RAB40B: variants seen among roughly 807,000 people sequenced by gnomAD.
RAB40B encodes RAB40B, member RAS oncogene family, also known as ras-related protein Rab-40B.
A neutral mutation model predicts 24.0 loss-of-function variants in RAB40B; 21 were observed. That is an observed-to-expected ratio of 0.88 (90% CI 0.62 to 1.26). RAB40B has a LOEUF of 1.26. Ranked by LOEUF, RAB40B falls within the 50% of genes most tolerant of loss-of-function variation. The pLI is 0.00. For missense variants in RAB40B, 348 were observed against 390.5 expected (o/e 0.89, Z 0.92); for synonymous variants, 167 against 169.8 (o/e 0.98, Z 0.13).
chr17:82,670,933 C>A (rs2046324065), intron 1 of RAB40B, among the ~76,000 whole-genome samples: 1 of 152,024 alleles, frequency 6.6e-6, no homozygotes, highest in Admixed American at 6.5e-5. Flanking sequence ...CTGTCACGAT[C>A]CACGATGTTG....
intron 2 of RAB40B, chr17:82,662,129 A>G (rs2046182166): frequency 2.0e-6 from 2 of 985,452 alleles, no homozygotes; most frequent in Non-Finnish European, 2.4e-6. Flanking sequence ...TTTGTGTCAC[A>G]TGCACCTGTG....
intron 4 of RAB40B, 89 bp downstream of exon 4, chr17:82,659,491 A>G: frequency 1.5e-6 from 2 of 1,342,026 alleles, no homozygotes; most frequent in Non-Finnish European, 2.1e-6. Flanking sequence ...ATGGGTACCC[A>G]TGAGCCCTGG....
rs1342193124 is a variant in RAB40B, at chr17:82,674,499, T to C, written c.143-9943A>G. Among the ~76,000 whole-genome samples, 52 of 142,562 alleles carry C rather than the reference T, an allele frequency of 3.6e-4. No individual in the cohort carries two copies. The South Asian group carries it at 7.4e-3, about 20-fold the overall frequency. 93.5% of individuals were successfully genotyped at this position (142,562 alleles called of 152,430 possible). A position where few individuals can be genotyped will look rare whatever the true frequency, so the allele number is the denominator to read the frequency against. On this transcript the variant is annotated intron_variant, in intron 1 of 5. Coordinates refer to ENST00000571995, the MANE Select transcript of RAB40B (RefSeq NM_006822.3). ...ACAAAAAAAAAAAAAATTAGCCGGG[T>C]GTGGTGGCGGGCACCTGTAGTCCCA...
At chr17:82,658,846 T>C (rs1338000191) in intron 4 of RAB40B, 133 bp from the exon 5 acceptor site, 3 of 766,870 alleles carry the variant, frequency 3.9e-6, no homozygotes, top group Non-Finnish European at 6.3e-6. Context: ...TGGGACCTCG[T>C]TTGGAAAGAC....
rs2046458540 is a variant in RAB40B at position 82,682,708 on chromosome 17, C to T, written c.142+15747G>A. 3.3e-5 allele frequency among the ~76,000 whole-genome samples: 5 copies of T among 152,164 alleles called. No homozygotes were observed. In the South Asian group the frequency reaches 1.0e-3, roughly 32 times the overall value. ...AACAGAATTGAGTCTAGAAATAGGC[C>T]CACACAAAAATGGCCAATTGATGTT... On this transcript the variant is annotated intron_variant, in intron 1 of 5. Coordinates refer to ENST00000571995, the MANE Select transcript of RAB40B (RefSeq NM_006822.3).
intron 1 of RAB40B, among the ~76,000 whole-genome samples, chr17:82,676,003 T>C (rs547339343): frequency 1.3e-5 from 2 of 152,076 alleles, no homozygotes; most frequent in Admixed American, 6.5e-5. Context: ...CCCACAGGGC[T>C]GGTAAAGCAC....
chr17:82,660,456 G>A (rs997565246), intron 3 of RAB40B, among the ~76,000 whole-genome samples: 3 of 139,068 alleles, frequency 2.2e-5, no homozygotes, highest in African/African-American at 5.5e-5. Flanking sequence ...GCAGATGCAC[G>A]CATACACAGT....
intron 1 of RAB40B, among the ~76,000 whole-genome samples, chr17:82,698,154 G>T (rs111361249): frequency 6.6e-6 from 1 of 151,962 alleles, no homozygotes; most frequent in South Asian, 2.1e-4. Flanking sequence ...CGCGCAGACT[G>T]CGGAGAAGGA....
rs1484648336 is a variant in RAB40B, at chr17:82,671,630, G to A, written c.143-7074C>T. 6.5e-4 allele frequency among the ~76,000 whole-genome samples: 37 copies of A among 57,136 alleles called. No individual in the cohort carries two copies. In the East Asian group the frequency reaches 0.022, roughly 34 times the overall value. 37.5% of individuals were successfully genotyped at this position (57,136 alleles called of 152,430 possible). A position where few individuals can be genotyped will look rare whatever the true frequency, so the allele number is the denominator to read the frequency against. On this transcript the variant is annotated intron_variant, in intron 1 of 5. Coordinates refer to ENST00000571995, the MANE Select transcript of RAB40B (RefSeq NM_006822.3). ...TGTACCCACTGACACAGCTCACCCC[G>A]TAACTCTAACACACACACTCACACC...
rs566000702 is a variant in RAB40B, at chr17:82,685,099, G to A, written c.142+13356C>T. Among the ~76,000 whole-genome samples, 97 of 150,430 alleles carry A rather than the reference G, an allele frequency of 6.4e-4. 1 individual carries two copies. Among genetic ancestry groups the A allele is most frequent in the Non-Finnish European group, 1.3e-3 (87 of 67,720 alleles). ...TTGCACTCCAGCCTGGGTGACAAGA[G>A]TGAAACTCTGTCTCAAAAAAGGAAA... On this transcript the variant is annotated intron_variant, in intron 1 of 5. Coordinates refer to ENST00000571995, the MANE Select transcript of RAB40B (RefSeq NM_006822.3).
intron 4 of RAB40B, chr17:82,658,964 C>T (rs570114267): frequency 7.8e-5 from 38 of 489,868 alleles, no homozygotes; most frequent in African/African-American, 6.7e-4. Flanking sequence ...CGGAGGAGGC[C>T]ATGTTACGCG....
intron 1 of RAB40B, among the ~76,000 whole-genome samples, chr17:82,677,573 G>A (rs961522698): frequency 2.0e-5 from 3 of 152,140 alleles, no homozygotes; most frequent in African/African-American, 7.2e-5. Flanking sequence ...CCCTGACGCC[G>A]CGTCTCTGTC....
chr17:82,696,317 C>T (rs1342961790), intron 1 of RAB40B: 1 of 152,392 alleles, frequency 6.6e-6, no homozygotes, highest in Non-Finnish European at 1.5e-5. Context: ...AGCCTCCATT[C>T]AAACCAACCA....
intron 1 of RAB40B, chr17:82,665,034 G>C (rs2046237649): frequency 6.0e-6 from 1 of 166,648 alleles, no homozygotes; most frequent in Admixed American, 5.7e-5. Flanking sequence ...TATCACACTA[G>C]GAAAGTACAG....
chr17:82,667,071 C>G lies in RAB40B; in HGVS notation c.143-2515G>C, dbSNP rs752263087. ...CGTGGAGCACACGGCCTCTGCAGCT[C>G]TCCTTCCAGAGAAGCCCACGATGTA... On this transcript the variant is annotated intron_variant, in intron 1 of 5. Coordinates refer to ENST00000571995, the MANE Select transcript of RAB40B (RefSeq NM_006822.3). This position sits in a 1 kb window ranked among gnomAD's most constrained non-coding sequence, Gnocchi z 4.3. 2.6e-5 allele frequency among the ~76,000 whole-genome samples: 4 copies of G among 152,244 alleles called. No homozygotes were observed. The highest frequency in any genetic ancestry group is 5.9e-5 in the Non-Finnish European group (4 of 68,038).
chr17:82,676,373 C>T (rs371714347), intron 1 of RAB40B, among the ~76,000 whole-genome samples: 8 of 150,558 alleles, frequency 5.3e-5, no homozygotes, highest in Middle Eastern at 3.4e-3. Flanking sequence ...GTGAGGGCAC[C>T]CCTCACCTTC....
At chr17:82,660,354 C>T (rs986402551) in intron 3 of RAB40B, among the ~76,000 whole-genome samples, 13 of 143,014 alleles carry the variant, frequency 9.1e-5, no homozygotes, top group Non-Finnish European at 1.3e-4. Flanking sequence ...CGCACGTGTA[C>T]ACACACACAC....
chr17:82,676,705 G>A (rs1422845974), intron 1 of RAB40B, among the ~76,000 whole-genome samples: 1 of 152,030 alleles, frequency 6.6e-6, no homozygotes, highest in African/African-American at 2.4e-5. Flanking sequence ...TCAACTCACT[G>A]CAACCTCCGC....
rs1406010242 is a variant in RAB40B, at chr17:82,697,247, T to C, written c.142+1208A>G. On this transcript the variant is annotated intron_variant, in intron 1 of 5. Transcript: ENST00000571995. This position sits in a 1 kb window ranked among gnomAD's most constrained non-coding sequence, Gnocchi z 4.9. ...CGCTCCACAGTCTCAGGCCACCCCC[T>C]CCAGCCGTGCCACACTCCCTTGGTG... 6.6e-6 allele frequency among the ~76,000 whole-genome samples: 1 copy of C among 151,804 alleles called. No homozygotes were observed. Among genetic ancestry groups the C allele is most frequent in the Non-Finnish European group, 1.5e-5 (1 of 67,958 alleles).
Sources: allele counts gnomAD v4.1 joint callset (sites outside exome capture counted in the v4.1 genomes callset), GRCh38; gene constraint gnomAD v4.1.1; non-coding constraint Gnocchi (gnomAD v3.1); transcripts MANE v1.5; gene names NCBI Gene and HGNC (gene_info 2026-07-23, HGNC 2026-07-21).